Variants in IPO8 observed in about 807,000 individuals in gnomAD.
IPO8 encodes the protein importin 8, also known as importin-8.
IPO8 carries 65 observed loss-of-function variants against 141.2 expected under a neutral mutation model. The ratio of observed to expected loss-of-function variants is 0.46; its 90% confidence interval spans 0.38 to 0.57. The LOEUF (loss-of-function observed/expected upper bound fraction) is 0.57, where lower values mean the gene tolerates loss of function less well. Among genes scored for constraint, IPO8 ranks in the 20% least tolerant of loss-of-function variants. IPO8 has a pLI of 0.00. For missense variants in IPO8, 980 were observed against 1,246.8 expected (o/e 0.79, Z 3.22); for synonymous variants, 411 against 420.3 (o/e 0.98, Z 0.27).
chr12:30,658,844 C>CAAATG (rs1205925310), intron 16 of IPO8, among the ~76,000 whole-genome samples: 2 of 143,894 alleles, frequency 1.4e-5, no homozygotes, highest in African/African-American at 5.1e-5. Context: ...GCCCTTTAGG[C>CAAATG]AAATGAAGAC....
chr12:30,634,313 G>GA, intron 22 of IPO8, 27 bp from the exon 23 acceptor site: 1 of 1,569,254 alleles, frequency 6.4e-7, no homozygotes, highest in Non-Finnish European at 8.8e-7. Flanking sequence ...TATTTAAAAG[G>GA]AATCAAAACA....
At chr12:30,633,379 C>A (rs1042634935) in intron 23 of IPO8, among the ~76,000 whole-genome samples, 3 of 152,086 alleles carry the variant, frequency 2.0e-5, no homozygotes, top group Non-Finnish European at 2.9e-5. Context: ...AACCATAAAA[C>A]AAATAATCTA....
chr12:30,631,191 G>A (rs3850963), intron 24 of IPO8, among the ~76,000 whole-genome samples: 5,897 of 152,176 alleles, frequency 0.039, 361 homozygotes, highest in African/African-American at 0.13. Flanking sequence ...AAGAAAACAC[G>A]TCTCAGAGGT....
At chr12:30,649,504 A>G (rs979485862) in intron 19 of IPO8, among the ~76,000 whole-genome samples, 8 of 152,178 alleles carry the variant, frequency 5.3e-5, no homozygotes, top group East Asian at 1.9e-4. Context: ...CTTCCCTTTA[A>G]AGGCAACAAA....
intron 5 of IPO8, among the ~76,000 whole-genome samples, chr12:30,679,453 A>G (rs1186643700): frequency 6.6e-6 from 1 of 152,146 alleles, no homozygotes; most frequent in Non-Finnish European, 1.5e-5. Context: ...TGCCAATAGA[A>G]AAAGGAAGTC....
At chr12:30,639,777 A>G in intron 20 of IPO8, 42 bp from the exon 21 acceptor site, 1 of 1,467,104 alleles carries the variant, frequency 6.8e-7, no homozygotes, top group Non-Finnish European at 9.5e-7. Flanking sequence ...CAGACAGCCC[A>G]AGTAACTTTT....
intron 19 of IPO8, 44 bp downstream of exon 19, chr12:30,652,148 C>T: frequency 1.8e-6 from 2 of 1,113,294 alleles, no homozygotes; most frequent in South Asian, 1.4e-5. Context: ...AACAGGCAAA[C>T]ATTAGTTAAG....
chr12:30,681,877 A>C, intron 3 of IPO8, 60 bp from the exon 4 acceptor site: 1 of 1,381,506 alleles, frequency 7.2e-7, no homozygotes, highest in South Asian at 1.4e-5. Flanking sequence ...TGTTTCAAAG[A>C]CCTCTAATAT....
chr12:30,681,571 A>C, intron 4 of IPO8, 88 bp downstream of exon 4: 1 of 1,213,962 alleles, frequency 8.2e-7, no homozygotes, highest in Non-Finnish European at 1.2e-6. Context: ...TAACCTGTGC[A>C]GAACATCCAC....
At chr12:30,632,283 A>T (rs1421404834) in intron 23 of IPO8, among the ~76,000 whole-genome samples, 1 of 152,180 alleles carries the variant, frequency 6.6e-6, no homozygotes, top group Non-Finnish European at 1.5e-5. Context: ...GCTGTCTTCT[A>T]TGGATGTTCT....
intron 5 of IPO8, 120 bp from the exon 6 acceptor site, chr12:30,676,707 A>G: frequency 2.5e-6 from 2 of 813,280 alleles, no homozygotes; most frequent in Non-Finnish European, 4.1e-6. Flanking sequence ...GAAAATAGCA[A>G]TCTTGTATGG....
At chr12:30,655,113 T>C (rs915285344) in intron 17 of IPO8, among the ~76,000 whole-genome samples, 2 of 152,186 alleles carry the variant, frequency 1.3e-5, no homozygotes, top group African/African-American at 4.8e-5. Context: ...AGAAATTCTT[T>C]TATTATTAAT....
intron 10 of IPO8, among the ~76,000 whole-genome samples, chr12:30,668,963 T>G (rs1325973261): frequency 2.6e-5 from 4 of 152,152 alleles, no homozygotes; most frequent in Admixed American, 2.0e-4. Context: ...TGAGCACCCG[T>G]AAGAGAGATG....
At chr12:30,657,320 TC>T (rs1401472616) in intron 16 of IPO8, among the ~76,000 whole-genome samples, 6 of 152,206 alleles carry the variant, frequency 3.9e-5, no homozygotes, top group African/African-American at 1.4e-4. Flanking sequence ...AAAAAGATGT[TC>T]GTTATAATAC....
intron 7 of IPO8, 64 bp from the exon 8 acceptor site, chr12:30,674,138 A>T: frequency 9.7e-7 from 1 of 1,034,486 alleles, no homozygotes; most frequent in Non-Finnish European, 1.5e-6. Context: ...CTTGCTAATA[A>T]TTTAAATATA....
rs763661171 is a variant in IPO8 at position 30,649,207 on chromosome 12, T to C, written c.2198A>G (p.Asp733Gly). ...AAGTTTAGCTGCATGACACTCTGCATCTTCTCCTGCATCTCCACATAGTAC... is the reference window on the plus strand; with the variant it reads ...AAGTTTAGCTGCATGACACTCTGCACCTTCTCCTGCATCTCCACATAGTAC... Reference protein sequence around the residue: ...RKVLCGDAGEDAECHAAKLLE... With the variant: ...RKVLCGDAGEGAECHAAKLLE... Residue 733 changes from aspartate to glycine, a missense_variant, in exon 20 of 25, where the codon GAT becomes GGT. By Grantham distance (94) the Asp-to-Gly change is moderately conservative. This residue lies in a region of IPO8 where 924 missense variants were observed against 1,153.9 expected (regional missense o/e 0.80). Coordinates refer to ENST00000256079, the MANE Select transcript of IPO8 (RefSeq NM_006390.4). The C allele has an allele frequency of 6.2e-7, 1 of 1,613,110 alleles. No individual in the cohort carries two copies. The highest frequency in any genetic ancestry group is 8.5e-7 in the Non-Finnish European group (1 of 1,179,280).
intron 22 of IPO8, among the ~76,000 whole-genome samples, chr12:30,636,496 G>T (rs189467353): frequency 6.6e-6 from 1 of 152,030 alleles, no homozygotes; most frequent in East Asian, 1.9e-4. Flanking sequence ...TCACAAATAT[G>T]GACGTCTCTC....
intron 5 of IPO8, chr12:30,677,260 G>A (rs1723966691): frequency 1.2e-5 from 5 of 405,118 alleles, no homozygotes; most frequent in South Asian, 9.6e-5. Flanking sequence ...CATAAGATTA[G>A]AACACAGCTG....
rs1465128719 is a variant in IPO8 at position 30,665,298 on chromosome 12, G to C, written c.1350C>G (p.Phe450Leu). 1 of 1,572,346 alleles carries C rather than the reference G, an allele frequency of 6.4e-7. No individual in the cohort carries two copies. The highest frequency in any genetic ancestry group is 8.7e-7 in the Non-Finnish European group (1 of 1,147,422). Residue 450 changes from phenylalanine to leucine, a missense_variant, in exon 13 of 25, where the codon TTC becomes TTG. Around this residue, in one of 3 missense-constraint regions of IPO8, gnomAD observed 924 missense variants for 1,153.9 expected, o/e 0.80. Coordinates refer to ENST00000256079, the MANE Select transcript of IPO8 (RefSeq NM_006390.4). Reference protein sequence around the residue: ...LAEILLKKSLFKDQMELFLQN... With the variant: ...LAEILLKKSLLKDQMELFLQN... ...GTAGAAACAGCTCCATTTGGTCCTTGAATAAACTCTTCTATTAGGAAACAA... is the reference window on the plus strand; with the variant it reads ...GTAGAAACAGCTCCATTTGGTCCTTCAATAAACTCTTCTATTAGGAAACAA...
Sources: allele counts gnomAD v4.1 joint callset (sites outside exome capture counted in the v4.1 genomes callset), GRCh38; gene constraint gnomAD v4.1.1; regional missense constraint gnomAD v4.1.1; transcripts MANE v1.5; gene names NCBI Gene and HGNC (gene_info 2026-07-23, HGNC 2026-07-21).